The following SLC4A5 variants were observed in gnomAD, a reference collection of about 807,000 sequenced individuals.
SLC4A5 encodes electrogenic sodium bicarbonate cotransporter 4.
SLC4A5 carries 96 observed loss-of-function variants against 120.4 expected under a neutral mutation model. The ratio of observed to expected loss-of-function variants is 0.80; its 90% CI spans 0.68 to 0.94. The LOEUF is 0.94. SLC4A5 is among the 40% of genes least tolerant of loss of function. The pLI is 0.00. For missense variants in SLC4A5, 1,259 were observed against 1,459.5 expected (o/e 0.86, Z 2.24); for synonymous variants, 550 against 571.1 (o/e 0.96, Z 0.53).
At position 74,232,664 on chromosome 2, in the gene SLC4A5, G is replaced by GGGGGAGGGAGAAGTTTCT; in HGVS notation, c.2596-35_2596-18dup. The GGGGGAGGGAGAAGTTTCT allele has an allele frequency of 6.2e-7, 1 of 1,608,696 alleles. No homozygotes were observed. The highest frequency in any genetic ancestry group is 8.5e-7 in the Non-Finnish European group (1 of 1,178,450). ...GGCAGCCTTCTGCAGGAGCGGGGTTGGGGGAGGGAGAAGTTTCTGGGGAGC... is the reference window on the plus strand; with the variant it reads ...GGCAGCCTTCTGCAGGAGCGGGGTTGGGGGAGGGAGAAGTTTCTGGGGAGGGAGAAGTTTCTGGGGAGC... On this transcript the variant is annotated splice_polypyrimidine_tract_variant and intron_variant, in intron 23 of 30. Transcript: ENST00000394019.
In SLC4A5 at chr2:74,246,978, G is replaced by A. The variant is rs551589161; in HGVS notation, c.2059+58C>T. On this transcript the variant is annotated intron_variant, in intron 19 of 30. Coordinates refer to ENST00000394019, the Ensembl canonical transcript of SLC4A5. ...GTAGAAGTAGAGAGCTGTGGTGAAG[G>A]ATCAGGGGGCCGGTGGGGTAGGTGA... The A allele has an allele frequency of 1.1e-4, 169 of 1,587,442 alleles. 2 individuals carry two copies. In the Admixed American group the frequency reaches 2.8e-3, roughly 26 times the overall value.
In SLC4A5 at chr2:74,286,171, C is replaced by T. The variant is rs369904323; in HGVS notation, c.272-269G>A. ...GCAGTGAAGAATGATGGGAAATGGT[C>T]GAAGCCAGGGCAGTAGCAAGAACCA... On this transcript the variant is annotated intron_variant, in intron 7 of 30. Coordinates refer to ENST00000394019, the Ensembl canonical transcript of SLC4A5. Among the ~76,000 whole-genome samples, 32 of 152,206 alleles carry T rather than the reference C, an allele frequency of 2.1e-4. No homozygotes were observed. The East Asian group carries it at 3.1e-3, about 15-fold the overall frequency.
intron 16 of SLC4A5, 98 bp from the exon 17 acceptor site, chr2:74,250,615 G>T: frequency 6.9e-7 from 1 of 1,440,862 alleles, no homozygotes; most frequent in Non-Finnish European, 9.5e-7. Flanking sequence ...GCGAGGAAAG[G>T]AACTTGACCA....
chr2:74,274,246 T>C (rs751770351), intron 8 of SLC4A5, among the ~76,000 whole-genome samples: 3 of 152,150 alleles, frequency 2.0e-5, no homozygotes, highest in Non-Finnish European at 4.4e-5. Context: ...GAAGTTACAG[T>C]GAGCTGAGAT....
chr2:74,282,658 G>A (rs372254551), intron 8 of SLC4A5, among the ~76,000 whole-genome samples: 46 of 152,260 alleles, frequency 3.0e-4, no homozygotes, highest in African/African-American at 1.0e-3. Flanking sequence ...CACTCTGAGA[G>A]AATAGAGACA....
chr2:74,242,001 G>C, exon 20 of SLC4A5: 1 of 1,604,736 alleles, frequency 6.2e-7, no homozygotes, highest in Non-Finnish European at 8.5e-7. Context: ...TACCAGAGAA[G>C]CGTTGGTGTC....
chr2:74,229,328 C>CA (rs1421344786), intron 25 of SLC4A5, among the ~76,000 whole-genome samples: 1 of 151,440 alleles, frequency 6.6e-6, no homozygotes, highest in Non-Finnish European at 1.5e-5. Flanking sequence ...CGGCTCACTG[C>CA]AGCCTCCACC....
At chr2:74,295,628 C>T (rs997955333) in intron 7 of SLC4A5, among the ~76,000 whole-genome samples, 3 of 151,948 alleles carry the variant, frequency 2.0e-5, no homozygotes, top group Admixed American at 6.5e-5. Context: ...AGGGAGACTC[C>T]TTCTCAAAAA....
Position 74,228,537 on chromosome 2 carries a change from G to A in SLC4A5, c.2848-659C>T, listed in dbSNP as rs551926186. Reference sequence around the variant, plus strand: ...CCCAGCAACTCAGGATGCTGAGGCAGAAGAATCGCTTGAATCCGGGAGATG... The same window carrying A: ...CCCAGCAACTCAGGATGCTGAGGCAAAAGAATCGCTTGAATCCGGGAGATG... On this transcript the variant is annotated intron_variant, in intron 25 of 30. Coordinates refer to ENST00000394019, the Ensembl canonical transcript of SLC4A5. Among the ~76,000 whole-genome samples the A allele has an allele frequency of 1.6e-4, 24 of 152,304 alleles. 1 individual carries two copies. The South Asian group carries it at 5.0e-3, about 32-fold the overall frequency.
At chr2:74,331,698 C>T (rs1319252010) in intron 4 of SLC4A5, among the ~76,000 whole-genome samples, 1 of 151,964 alleles carries the variant, frequency 6.6e-6, no homozygotes, top group Non-Finnish European at 1.5e-5. Flanking sequence ...GGGAAATCTA[C>T]CTCTCTCCCT....
intron 19 of SLC4A5, among the ~76,000 whole-genome samples, chr2:74,244,313 T>C (rs982054366): frequency 6.6e-6 from 1 of 152,166 alleles, no homozygotes; most frequent in East Asian, 1.9e-4. Context: ...TCAGAATCAA[T>C]TGGAAGATTC....
chr2:74,329,656 G>A (rs189407748), intron 4 of SLC4A5, among the ~76,000 whole-genome samples: 4 of 87,168 alleles, frequency 4.6e-5, no homozygotes, highest in Admixed American at 3.9e-4. Flanking sequence ...GGTGTAAATG[G>A]AGGTGTGAGG....
chr2:74,282,387 G>A (rs185713244), intron 8 of SLC4A5, among the ~76,000 whole-genome samples: 3 of 152,330 alleles, frequency 2.0e-5, no homozygotes, highest in Admixed American at 1.3e-4. Context: ...AATTGGGTTC[G>A]ACCACTTTAA....
At chr2:74,262,361 T>TTA in intron 10 of SLC4A5, 129 bp from the exon 11 acceptor site, 12 of 521,182 alleles carry the variant, frequency 2.3e-5, no homozygotes, top group East Asian at 3.3e-5. Flanking sequence ...TGGGAAGAAA[T>TTA]TCTTTTTTTT....
chr2:74,239,713 G>T (rs2103943684), intron 20 of SLC4A5, among the ~76,000 whole-genome samples, 178 bp from the exon 21 acceptor site: 1 of 152,284 alleles, frequency 6.6e-6, no homozygotes, highest in South Asian at 2.1e-4. Context: ...TCCCTAGGAA[G>T]ATTAGGAGCT....
At chr2:74,286,539 A>C (rs73948737) in intron 7 of SLC4A5, among the ~76,000 whole-genome samples, 20,063 of 151,724 alleles carry the variant, frequency 0.13, 1,562 homozygotes, top group East Asian at 0.27. Context: ...TTCCTTCCTT[A>C]CTTTTCTTCA....
chr2:74,232,632 G>A, exon 24 of SLC4A5: 3 of 1,613,122 alleles, frequency 1.9e-6, no homozygotes, highest in Non-Finnish European at 1.7e-6. Context: ...AGGTCCAGAT[G>A]GTAGCCGGCA....
At chr2:74,328,658 G>A (rs1019389562) in intron 4 of SLC4A5, among the ~76,000 whole-genome samples, 1 of 152,124 alleles carries the variant, frequency 6.6e-6, no homozygotes, top group Admixed American at 6.5e-5. Flanking sequence ...CTACAGATAC[G>A]TGGGCCTGTT....
At chr2:74,339,702 C>T (rs987023346) in intron 2 of SLC4A5, 1 of 152,192 alleles carries the variant, frequency 6.6e-6, no homozygotes, top group Non-Finnish European at 1.5e-5. Flanking sequence ...TGGGTATACA[C>T]CCAAGAAAAC....
Sources: gnomAD v4.1 joint callset for allele counts (sites outside exome capture counted in the v4.1 genomes callset) on GRCh38, gnomAD v4.1.1 for gene constraint, MANE v1.5 for transcripts, NCBI Gene and HGNC (gene_info 2026-07-23, HGNC 2026-07-21) for gene names.